MTREX: variants seen among roughly 807,000 people sequenced by gnomAD.
MTREX encodes the protein exosome RNA helicase MTR4.
In MTREX, 76 loss-of-function variants were observed where a neutral mutation model predicts 135.4. The observed-to-expected ratio is 0.56, with a 90% confidence interval of 0.47 to 0.68. MTREX has a LOEUF of 0.68. Among genes scored for constraint, MTREX ranks in the 30% least tolerant of loss-of-function variants. The pLI, the probability that MTREX is intolerant of heterozygous loss-of-function variation, is 0.00. For missense variants in MTREX, 920 were observed against 1,262.1 expected, an observed-to-expected ratio of 0.73 and a Z score of 4.11; for synonymous variants, 404 against 401.6, an observed-to-expected ratio of 1.01 and a Z score of -0.07.
intron 15 of MTREX, among the ~76,000 whole-genome samples, chr5:55,366,505 T>C (rs10040104): frequency 0.14 from 21,375 of 152,148 alleles, 1,898 homozygotes; most frequent in East Asian, 0.26. Flanking sequence ...GCTACACATT[T>C]GGCAAACAGT....
chr5:55,377,004 G>A (rs1416632659), intron 16 of MTREX, among the ~76,000 whole-genome samples: 1 of 151,880 alleles, frequency 6.6e-6, no homozygotes, highest in African/African-American at 2.4e-5. Flanking sequence ...CTGTGAGGCT[G>A]AGGTTGCAGT....
In MTREX at chr5:55,340,122, G is replaced by C; in HGVS notation, c.628G>C (p.Gly210Arg). 2 of 1,603,940 alleles carry C rather than the reference G, an allele frequency of 1.2e-6. No homozygotes were observed. Among genetic ancestry groups the C allele is most frequent in the Non-Finnish European group, 1.7e-6 (2 of 1,175,260 alleles). Residue 210 changes from glycine (G) to arginine (R), a missense_variant, in exon 6 of 27, where the codon GGT becomes CGT. Physicochemically the swap from Gly to Arg is moderately radical, Grantham distance 125. Around this residue, in one of 6 missense-constraint regions of MTREX, gnomAD observed 88 missense variants for 202.5 expected, o/e 0.43. Coordinates refer to ENST00000230640, the MANE Select transcript of MTREX (RefSeq NM_015360.5). The part of the protein sequence containing the change: ...REMYEEFQDV[G>R]LMTGDVTINP... ...AATGTATGAAGAATTTCAAGATGTTGGTTTGATGACTGGTGATGTTACTAT... is the reference window on the plus strand; with the variant it reads ...AATGTATGAAGAATTTCAAGATGTTCGTTTGATGACTGGTGATGTTACTAT...
intron 11 of MTREX, 48 bp downstream of exon 11, chr5:55,347,192 TAA>T (rs1310116032): frequency 6.6e-7 from 1 of 1,511,016 alleles, no homozygotes; most frequent in African/African-American, 1.4e-5. Context: ...AAAATGAGCG[TAA>T]AATATATTTC....
rs1458696593 is a variant in MTREX, at chr5:55,388,091, G to C, written c.2170G>C (p.Gly724Arg). ...AAAACCAGCTAAACCTGATGAGAAA[G>C]GAGAGATGCAGGTTTGTACATAACT... The part of the protein sequence containing the change: ...AAKPAKPDEK[G>R]EMQVVPVLVH... The change falls in exon 19 of 27, where the codon GGA (glycine) becomes CGA (arginine). Residue 724 changes from glycine to arginine, a missense_variant. Gly to Arg is a moderately radical substitution (Grantham distance 125, BLOSUM62 -2). Coordinates refer to ENST00000230640, the MANE Select transcript of MTREX (RefSeq NM_015360.5). 4 of 1,605,408 alleles carry C rather than the reference G, an allele frequency of 2.5e-6. 1 individual carries two copies. The South Asian group carries it at 4.4e-5, about 18-fold the overall frequency.
chr5:55,320,065 C>T lies in MTREX; in HGVS notation c.135-2262C>T, dbSNP rs78704963. Among the ~76,000 whole-genome samples the T allele has an allele frequency of 5.5e-3, 837 of 152,110 alleles. 4 individuals are homozygous for T. The highest frequency in any genetic ancestry group is 0.019 in the African/African-American group (807 of 41,476). On this transcript the variant is annotated intron_variant, in intron 1 of 26. Transcript: ENST00000230640. ...AGAGGTTCACATAAGTAGTCAGCAA[C>T]AAAAATGGGACTAGAATGAATAGCT...
intron 1 of MTREX, among the ~76,000 whole-genome samples, chr5:55,320,305 C>T (rs1171781000): frequency 2.6e-5 from 4 of 151,604 alleles, no homozygotes; most frequent in African/African-American, 9.7e-5. Context: ...GCAGGCTCCA[C>T]CTCCCGGGTT....
chr5:55,390,205 T>C (rs938219324), intron 19 of MTREX, among the ~76,000 whole-genome samples: 21 of 152,078 alleles, frequency 1.4e-4, no homozygotes, highest in Non-Finnish European at 5.9e-5. Flanking sequence ...TGGGTCCAAG[T>C]GATTCTCCTG....
intron 20 of MTREX, among the ~76,000 whole-genome samples, chr5:55,399,077 C>T (rs929638720): frequency 3.9e-5 from 6 of 152,216 alleles, no homozygotes; most frequent in Admixed American, 6.5e-5. Flanking sequence ...ACACCAGTGA[C>T]TCAGTTTCTT....
chr5:55,310,378 C>T (rs1749091861), intron 1 of MTREX, among the ~76,000 whole-genome samples: 2 of 152,204 alleles, frequency 1.3e-5, no homozygotes, highest in Non-Finnish European at 2.9e-5. Context: ...GAGGCGGAGG[C>T]TGGCAGATCA....
chr5:55,374,806 T>G (rs1024008136), intron 16 of MTREX, among the ~76,000 whole-genome samples: 16 of 152,158 alleles, frequency 1.1e-4, no homozygotes, highest in Non-Finnish European at 2.9e-5. Context: ...TCTGACAAAA[T>G]AGACCGAAAA....
At chr5:55,423,027 G>C in intron 26 of MTREX, 45 bp downstream of exon 26, 1 of 1,504,230 alleles carries the variant, frequency 6.6e-7, no homozygotes, top group Non-Finnish European at 9.2e-7. Context: ...GACAAATTTG[G>C]TGAAGCAAAT....
chr5:55,424,926 C>T lies in MTREX; in HGVS notation c.*154C>T. On this transcript the variant is annotated 3_prime_UTR_variant, in exon 27 of 27. Transcript: ENST00000230640. The stretch of plus-strand genomic sequence containing the variant: ...TCATTCATAGAAAGCATATTACATA[C>T]ATGTTTATACATAAGCATTACATTT... The T allele has an allele frequency of 1.6e-6, 1 of 631,118 alleles. No individual in the cohort carries two copies. The highest frequency in any genetic ancestry group is 2.7e-6 in the Non-Finnish European group (1 of 366,832). 39.1% of individuals were successfully genotyped at this position (631,118 alleles called of 1,614,324 possible). A position where few individuals can be genotyped will look rare whatever the true frequency, so the allele number is the denominator to read the frequency against.
At chr5:55,407,715 T>A (rs549980891) in intron 22 of MTREX, among the ~76,000 whole-genome samples, 1 of 152,236 alleles carries the variant, frequency 6.6e-6, no homozygotes, top group South Asian at 2.1e-4. Context: ...TTGCCTCCCT[T>A]CTTGAGTTTT....
At chr5:55,367,311 C>T (rs189934565) in intron 16 of MTREX, among the ~76,000 whole-genome samples, 64 of 152,072 alleles carry the variant, frequency 4.2e-4, no homozygotes, top group Non-Finnish European at 7.5e-4. Context: ...ATGGTGAAAC[C>T]CCATCTCTAC....
At chr5:55,404,797 C>CT (rs10714588) in intron 21 of MTREX, among the ~76,000 whole-genome samples, 11 of 131,998 alleles carry the variant, frequency 8.3e-5, no homozygotes, top group African/African-American at 2.2e-4. Context: ...GCTCTGTTCT[C>CT]TTTTTTTTTT....
rs1750339575 is a variant in MTREX at position 55,378,337 on chromosome 5, T to C, written c.1834T>C (p.Tyr612His). Reference sequence around the variant, plus strand: ...AGAGGTAAAGAATTCAGAAGAACAGTATAATAAAATAGTAATTCCCAATGA... The same window carrying C: ...AGAGGTAAAGAATTCAGAAGAACAGCATAATAAAATAGTAATTCCCAATGA... ...VEKVKNSEEQ[Y>H]NKIVIPNEES... Residue 612 changes from tyrosine to histidine, a missense_variant, in exon 17 of 27, where the codon TAT becomes CAT. By Grantham distance (83) the Tyr-to-His change is moderately conservative. Coordinates refer to ENST00000230640, the MANE Select transcript of MTREX (RefSeq NM_015360.5). 3.1e-6 allele frequency: 5 copies of C among 1,604,752 alleles called. No individual in the cohort carries two copies. Among genetic ancestry groups the C allele is most frequent in the Non-Finnish European group, 4.2e-6 (5 of 1,177,436 alleles).
intron 15 of MTREX, among the ~76,000 whole-genome samples, chr5:55,360,785 T>C (rs1350635700): frequency 1.3e-5 from 2 of 152,234 alleles, no homozygotes; most frequent in African/African-American, 2.4e-5. Flanking sequence ...TAGGTTTTTT[T>C]CCAGGTGGTT....
intron 25 of MTREX, among the ~76,000 whole-genome samples, chr5:55,419,659 T>C (rs543323554): frequency 3.5e-4 from 54 of 152,352 alleles, no homozygotes; most frequent in African/African-American, 1.2e-3. Flanking sequence ...ATAAACAATA[T>C]TGTACTCTTA....
At chr5:55,350,854 A>G (rs893723400) in intron 12 of MTREX, 65 bp from the exon 13 acceptor site, 4 of 1,263,380 alleles carry the variant, frequency 3.2e-6, no homozygotes, top group African/African-American at 1.5e-5. Flanking sequence ...TTCTTAATTT[A>G]GTTTAACATT....
Sources: gnomAD v4.1 joint callset for allele counts (sites outside exome capture counted in the v4.1 genomes callset) on GRCh38, gnomAD v4.1.1 for gene constraint, gnomAD v4.1.1 regional missense constraint, MANE v1.5 for transcripts, NCBI Gene and HGNC (gene_info 2026-07-23, HGNC 2026-07-21) for gene names.